THSD7A: variants seen among roughly 807,000 people sequenced by gnomAD.
THSD7A encodes thrombospondin type 1 domain containing 7A.
THSD7A carries 96 observed loss-of-function variants against 231.3 expected under a neutral mutation model. The observed-to-expected ratio is 0.41, with a 90% confidence interval of 0.35 to 0.49. The LOEUF is 0.49. THSD7A is among the 20% of genes least tolerant of loss of function. THSD7A has a pLI of 0.05. For missense variants in THSD7A, 2,290 were observed against 2,070.2 expected, an observed-to-expected ratio of 1.11 and a Z score of -2.06; for synonymous variants, 940 against 743.3, an observed-to-expected ratio of 1.26 and a Z score of -4.30.
At chr7:11,822,339 A>T (rs1784900587) in intron 1 of THSD7A, among the ~76,000 whole-genome samples, 1 of 152,024 alleles carries the variant, frequency 6.6e-6, no homozygotes, top group Non-Finnish European at 1.5e-5. Flanking sequence ...TAAGTTAAAG[A>T]CCTCTAGTTC....
intron 2 of THSD7A, among the ~76,000 whole-genome samples, chr7:11,612,668 C>T (rs1453650149): frequency 1.3e-5 from 2 of 152,100 alleles, no homozygotes; most frequent in African/African-American, 4.8e-5. Flanking sequence ...AACAGTATTA[C>T]CAGATCATCT....
intron 1 of THSD7A, among the ~76,000 whole-genome samples, chr7:11,692,558 C>A (rs1269613557): frequency 6.6e-6 from 1 of 151,488 alleles, no homozygotes; most frequent in East Asian, 2.0e-4. Context: ...CAAATAAGAA[C>A]AAAGCTACTC....
chr7:11,448,866 G>A (rs914730213), intron 11 of THSD7A, among the ~76,000 whole-genome samples: 3 of 152,004 alleles, frequency 2.0e-5, no homozygotes. Context: ...CTTTGGAAGG[G>A]CCAGTTTGTA....
At chr7:11,518,876 A>G (rs1217802962) in intron 6 of THSD7A, among the ~76,000 whole-genome samples, 1 of 152,196 alleles carries the variant, frequency 6.6e-6, no homozygotes, top group Non-Finnish European at 1.5e-5. Flanking sequence ...TCATATAGAA[A>G]CATATTTCAT....
At chr7:11,620,909 A>G (rs1166980035) in intron 2 of THSD7A, among the ~76,000 whole-genome samples, 1 of 152,180 alleles carries the variant, frequency 6.6e-6, no homozygotes, top group Non-Finnish European at 1.5e-5. Context: ...GCAACAATAT[A>G]GGACAACTGC....
At chr7:11,528,549 G>A (rs986676537) in intron 6 of THSD7A, among the ~76,000 whole-genome samples, 1 of 152,134 alleles carries the variant, frequency 6.6e-6, no homozygotes, top group African/African-American at 2.4e-5. Flanking sequence ...GAGGAGGCAA[G>A]CAGCACAATG....
intron 4 of THSD7A, among the ~76,000 whole-genome samples, chr7:11,546,687 A>G (rs555048516): frequency 6.6e-6 from 1 of 152,302 alleles, no homozygotes; most frequent in South Asian, 2.1e-4. Context: ...AAATGACTGC[A>G]CTAGTTCCCC....
chr7:11,768,433 T>C (rs371265866), intron 1 of THSD7A, among the ~76,000 whole-genome samples: 1 of 152,178 alleles, frequency 6.6e-6, no homozygotes, highest in East Asian at 1.9e-4. Flanking sequence ...CATGGAGTCA[T>C]TTAGACTGTC....
Position 11,774,399 on chromosome 7 carries a change from T to C in THSD7A, c.190+57358A>G, listed in dbSNP as rs529755703. On this transcript the variant is annotated intron_variant, in intron 1 of 27. Transcript: ENST00000423059. The stretch of plus-strand genomic sequence containing the variant: ...GCAAGATAAATCAGTTCTAGAGATG[T>C]GCTGTACAACATACTGCCCATAGTT... Among the ~76,000 whole-genome samples the C allele has an allele frequency of 2.0e-5, 3 of 152,228 alleles. No homozygotes were observed. The East Asian group carries it at 5.8e-4, about 29-fold the overall frequency.
At chr7:11,565,131 T>A (rs180674134) in intron 4 of THSD7A, among the ~76,000 whole-genome samples, 2 of 152,296 alleles carry the variant, frequency 1.3e-5, no homozygotes, top group East Asian at 3.9e-4. Flanking sequence ...TGACTCAAAT[T>A]CTCACGATGT....
rs761882405 is a variant in THSD7A at position 11,446,025 on chromosome 7, A to G, written c.3064+36T>C. On this transcript the variant is annotated intron_variant, in intron 13 of 27. Coordinates refer to ENST00000423059, the MANE Select transcript of THSD7A (RefSeq NM_015204.3). The surrounding 1 kb of genome is among the most constrained non-coding windows in gnomAD (Gnocchi z 4.0). ...TGTGCATTTTCCCTCCACACTCCCG[A>G]AGATAGCAAATATGTAACAATGAAG... 3.7e-6 allele frequency: 6 copies of G among 1,611,276 alleles called. No homozygotes were observed. In the South Asian group the frequency reaches 5.5e-5, roughly 15 times the overall value.
chr7:11,773,342 G>C (rs536706576), intron 1 of THSD7A, among the ~76,000 whole-genome samples: 2 of 152,228 alleles, frequency 1.3e-5, no homozygotes, highest in East Asian at 3.9e-4. Flanking sequence ...TGACCAGCCT[G>C]ATCAAAATGG....
At chr7:11,646,557 C>A (rs1333907736) in intron 1 of THSD7A, among the ~76,000 whole-genome samples, 1 of 151,860 alleles carries the variant, frequency 6.6e-6, no homozygotes, top group African/African-American at 2.4e-5. Context: ...ACATTTCACT[C>A]AAAAATGTGA....
At chr7:11,690,622 G>C (rs1473084252) in intron 1 of THSD7A, among the ~76,000 whole-genome samples, 2 of 151,706 alleles carry the variant, frequency 1.3e-5, no homozygotes, top group Non-Finnish European at 2.9e-5. Context: ...CTCCAGGGAA[G>C]CTATCTCAAT....
intron 1 of THSD7A, chr7:11,751,051 T>C (rs1405200953): frequency 1.3e-5 from 2 of 151,978 alleles, no homozygotes; most frequent in Non-Finnish European, 2.9e-5. Context: ...ATTCAGAACA[T>C]GACTCCAATA....
At chr7:11,611,831 CT>C (rs1400375259) in intron 2 of THSD7A, among the ~76,000 whole-genome samples, 28 of 137,900 alleles carry the variant, frequency 2.0e-4, no homozygotes, top group South Asian at 7.0e-4. Context: ...CACACACACA[CT>C]ATCATCTGTC....
intron 1 of THSD7A, among the ~76,000 whole-genome samples, chr7:11,725,373 G>A (rs918565503): frequency 2.2e-4 from 33 of 151,956 alleles, no homozygotes; most frequent in Middle Eastern, 3.4e-3. Context: ...GTGAAGACCC[G>A]TACCACACAT....
In THSD7A at chr7:11,374,081, T is replaced by A. The variant is rs1315504305; in HGVS notation, c.*1713A>T. ...TAAATTCTCACCTTTGAAAAATGAA[T>A]GAAAACGAAAGATGACACCATGGAG... On this transcript the variant is annotated 3_prime_UTR_variant, in exon 28 of 28. Coordinates refer to ENST00000423059, the MANE Select transcript of THSD7A (RefSeq NM_015204.3). 1 of 152,068 alleles carries A rather than the reference T, an allele frequency of 6.6e-6. No individual in the cohort carries two copies. The highest frequency in any genetic ancestry group is 1.5e-5 in the Non-Finnish European group (1 of 67,992). The allele number at this position is 152,068 out of a possible 1,614,324, so 9.4% of individuals were successfully genotyped here. A position where few individuals can be genotyped will look rare whatever the true frequency, so the allele number is the denominator to read the frequency against.
intron 2 of THSD7A, among the ~76,000 whole-genome samples, chr7:11,601,228 T>C (rs1443305194): frequency 6.6e-6 from 1 of 152,182 alleles, no homozygotes; most frequent in African/African-American, 2.4e-5. Flanking sequence ...ATTAAGCTCA[T>C]ATTGTATGTG....
Sources: allele counts gnomAD v4.1 joint callset (sites outside exome capture counted in the v4.1 genomes callset), GRCh38; gene constraint gnomAD v4.1.1; non-coding constraint Gnocchi (gnomAD v3.1); transcripts MANE v1.5; gene names NCBI Gene and HGNC (gene_info 2026-07-23, HGNC 2026-07-21).